The following ZNF385D variants were observed in gnomAD, a reference collection of about 807,000 sequenced individuals.
The protein encoded by ZNF385D is zinc finger protein 385D, also known as zinc finger protein 659.
Under a neutral mutation model 35.8 loss-of-function variants are expected in ZNF385D, and 15 were observed. The ratio of observed to expected loss-of-function variants is 0.42; its 90% confidence interval spans 0.28 to 0.64. The LOEUF (loss-of-function observed/expected upper bound fraction) is 0.64, where lower values mean the gene tolerates loss of function less well. Ranked by LOEUF, ZNF385D falls within the 30% of genes least tolerant of loss-of-function variation. ZNF385D has a pLI of 0.23. For missense variants in ZNF385D, 474 were observed against 494.6 expected, an observed-to-expected ratio of 0.96 and a Z score of 0.39; for synonymous variants, 212 against 186.8, an observed-to-expected ratio of 1.13 and a Z score of -1.10.
intron 2 of ZNF385D, among the ~76,000 whole-genome samples, chr3:22,197,212 T>C (rs778678162): frequency 2.6e-5 from 4 of 152,056 alleles, no homozygotes; most frequent in Non-Finnish European, 4.4e-5. Context: ...AATTTGTAAT[T>C]TGACATATTT....
At chr3:21,500,351 G>A (rs938820260) in intron 4 of ZNF385D, among the ~76,000 whole-genome samples, 5 of 152,136 alleles carry the variant, frequency 3.3e-5, no homozygotes, top group Non-Finnish European at 7.4e-5. Flanking sequence ...AACTGTGCTA[G>A]TTGCTAGAAT....
intron 3 of ZNF385D, among the ~76,000 whole-genome samples, chr3:22,030,293 A>ATGTATGTATATATATATATATGTATG (rs1697902976): frequency 1.0e-5 from 1 of 97,084 alleles, no homozygotes; most frequent in East Asian, 3.5e-4. Flanking sequence ...ATATATATAT[A>ATGTATGTATATATATATATATGTATG]TATATATATC....
At chr3:21,710,586 C>A (rs564555156) in intron 1 of ZNF385D, among the ~76,000 whole-genome samples, 1 of 152,134 alleles carries the variant, frequency 6.6e-6, no homozygotes, top group Non-Finnish European at 1.5e-5. Context: ...TTACAGTCCT[C>A]GCATTTTCTC....
intron 3 of ZNF385D, among the ~76,000 whole-genome samples, chr3:21,882,775 G>A (rs1217787894): frequency 6.6e-6 from 1 of 152,000 alleles, no homozygotes; most frequent in African/African-American, 2.4e-5. Flanking sequence ...ATGTACATGA[G>A]CAGTTGCAAC....
At chr3:21,751,948 CA>C (rs1306990474), upstream of ZNF385D, among the ~76,000 whole-genome samples, 3 of 151,412 alleles carry the variant, frequency 2.0e-5, no homozygotes, top group Admixed American at 2.0e-4. Flanking sequence ...AGGCAACCAA[CA>C]TTGTGCCATA....
intron 3 of ZNF385D, among the ~76,000 whole-genome samples, chr3:22,032,562 C>T (rs1174322617): frequency 6.6e-6 from 1 of 152,154 alleles, no homozygotes; most frequent in Non-Finnish European, 1.5e-5. Context: ...AACCATATCA[C>T]TCCCTATATA....
At chr3:21,797,087 C>A (rs1233719385) in intron 3 of ZNF385D, among the ~76,000 whole-genome samples, 6 of 152,180 alleles carry the variant, frequency 3.9e-5, no homozygotes, top group Admixed American at 3.3e-4. Flanking sequence ...TTGCAAAACA[C>A]ATATCTGATA....
chr3:21,803,229 C>G (rs1203409145), intron 3 of ZNF385D, among the ~76,000 whole-genome samples: 1 of 152,016 alleles, frequency 6.6e-6, no homozygotes, highest in Non-Finnish European at 1.5e-5. Context: ...TAGGTGGCAC[C>G]TTAGAATCAA....
At chr3:21,955,665 A>C (rs2125306884) in intron 3 of ZNF385D, among the ~76,000 whole-genome samples, 1 of 152,276 alleles carries the variant, frequency 6.6e-6, no homozygotes, top group South Asian at 2.1e-4. Flanking sequence ...TGCTGCATAG[A>C]TTCAGCCTGA....
intron 3 of ZNF385D, among the ~76,000 whole-genome samples, chr3:21,760,727 T>A (rs893272631): frequency 4.6e-5 from 7 of 152,264 alleles, no homozygotes; most frequent in African/African-American, 1.7e-4. Context: ...TCATAAGAAA[T>A]CTGGGCTTTT....
chr3:21,811,169 T>C (rs1416640083), intron 3 of ZNF385D, among the ~76,000 whole-genome samples: 1 of 152,154 alleles, frequency 6.6e-6, no homozygotes, highest in Non-Finnish European at 1.5e-5. Flanking sequence ...ATAAACTCAT[T>C]GTATTCTGTT....
At chr3:21,517,961 A>G (rs980685073) in intron 3 of ZNF385D, among the ~76,000 whole-genome samples, 19 of 152,036 alleles carry the variant, frequency 1.2e-4, no homozygotes, top group African/African-American at 3.9e-4. Context: ...GAAATTCTCA[A>G]TCTCCATCCT....
chr3:21,659,367 A>G (rs969193390), intron 2 of ZNF385D, among the ~76,000 whole-genome samples: 1 of 152,196 alleles, frequency 6.6e-6, no homozygotes, highest in Admixed American at 6.6e-5. Flanking sequence ...TAAATGAAAT[A>G]CGCATCTATG....
chr3:22,019,297 A>C (rs1340338089), intron 3 of ZNF385D, among the ~76,000 whole-genome samples: 1 of 151,718 alleles, frequency 6.6e-6, no homozygotes, highest in East Asian at 1.9e-4. Flanking sequence ...TTTTAAAATT[A>C]TTGTTATACT....
At chr3:22,151,020 T>C (rs934473606) in intron 3 of ZNF385D, among the ~76,000 whole-genome samples, 4 of 152,154 alleles carry the variant, frequency 2.6e-5, no homozygotes, top group African/African-American at 9.7e-5. Flanking sequence ...AAGCTGTGAA[T>C]TACGAAATAA....
chr3:22,348,045 A>G (rs1695738193), intron 2 of ZNF385D, among the ~76,000 whole-genome samples: 1 of 152,156 alleles, frequency 6.6e-6, no homozygotes. Flanking sequence ...AAATCTAACT[A>G]AGGTCTACGC....
chr3:21,955,617 C>T (rs764457046), intron 3 of ZNF385D, among the ~76,000 whole-genome samples: 1 of 152,108 alleles, frequency 6.6e-6, no homozygotes, highest in Non-Finnish European at 1.5e-5. Context: ...CTTGAATTTA[C>T]CTAAATTTTG....
intron 3 of ZNF385D, among the ~76,000 whole-genome samples, chr3:21,825,435 G>A (rs1404468062): frequency 6.6e-6 from 1 of 152,048 alleles, no homozygotes; most frequent in Admixed American, 6.6e-5. Flanking sequence ...TCAAAAAACA[G>A]ATTATAAAAC....
In ZNF385D at chr3:21,622,832, AATTT is replaced by A. The variant is rs1473292660; in HGVS notation, c.165+42050_165+42053del. 3.9e-5 allele frequency among the ~76,000 whole-genome samples: 6 copies of A among 152,238 alleles called. No individual in the cohort carries two copies. In the East Asian group the frequency reaches 9.7e-4, roughly 25 times the overall value. On this transcript the variant is annotated intron_variant, in intron 2 of 7. Coordinates refer to ENST00000281523, the MANE Select transcript of ZNF385D (RefSeq NM_024697.3). ...TAACCAAAATTCATGTCTCTAAATTAATTTATCTGTTCTTTCAACATGATTTATG... is the reference window on the plus strand; with the variant it reads ...TAACCAAAATTCATGTCTCTAAATTAATCTGTTCTTTCAACATGATTTATG...
Sources: allele counts gnomAD v4.1 joint callset (sites outside exome capture counted in the v4.1 genomes callset), GRCh38; gene constraint gnomAD v4.1.1; transcripts MANE v1.5; gene names NCBI Gene and HGNC (gene_info 2026-07-23, HGNC 2026-07-21).